Variants in TFDP2 observed in about 807,000 individuals in gnomAD.
TFDP2 encodes transcription factor Dp-2, also known as transcription factor Dp-2 (E2F dimerization partner 2).
A neutral mutation model predicts 59.3 loss-of-function variants in TFDP2; 17 were observed. The observed-to-expected ratio is 0.29, with a 90% CI of 0.20 to 0.43. The LOEUF is 0.43. Among genes scored for constraint, TFDP2 ranks in the 20% least tolerant of loss-of-function variants. The pLI, the probability that TFDP2 is intolerant of heterozygous loss-of-function variation, is 1.00. For synonymous variants in TFDP2, 180 were observed against 194.7 expected, an observed-to-expected ratio of 0.92 and a Z score of 0.63; for missense variants, 391 against 528.8, an observed-to-expected ratio of 0.74 and a Z score of 2.56.
At chr3:142,096,337 A>G (rs1476505882) in intron 2 of TFDP2, among the ~76,000 whole-genome samples, 1 of 152,198 alleles carries the variant, frequency 6.6e-6, no homozygotes, top group Non-Finnish European at 1.5e-5. Flanking sequence ...AGAGTAGAAA[A>G]AGTTGGCTAG....
chr3:141,952,893 C>G lies in TFDP2; in HGVS notation c.1157+18G>C. 1 of 1,611,900 alleles carries G rather than the reference C, an allele frequency of 6.2e-7. No individual in the cohort carries two copies. Among genetic ancestry groups the G allele is most frequent in the Non-Finnish European group, 8.5e-7 (1 of 1,178,108 alleles). On this transcript the variant is annotated intron_variant, in intron 12 of 12. Coordinates refer to ENST00000489671, the MANE Select transcript of TFDP2 (RefSeq NM_001178139.2). The stretch of plus-strand genomic sequence containing the variant: ...GGGCTCTGGGGTTTGCCTTTCTAAC[C>G]CTGAAAAAAATACGTACCTTGACTG...
chr3:142,063,278 A>G (rs1351106980), intron 3 of TFDP2, among the ~76,000 whole-genome samples: 1 of 152,198 alleles, frequency 6.6e-6, no homozygotes, highest in Non-Finnish European at 1.5e-5. Context: ...TCACATAGTT[A>G]AGAACCTAAA....
intron 3 of TFDP2, among the ~76,000 whole-genome samples, chr3:142,066,024 T>C (rs2060064573): frequency 6.6e-6 from 1 of 152,154 alleles, no homozygotes; most frequent in Non-Finnish European, 1.5e-5. Context: ...CTAATACCAA[T>C]TCTCTACTCT....
At chr3:141,990,602 C>A (rs1483322670) in intron 6 of TFDP2, among the ~76,000 whole-genome samples, 1 of 152,100 alleles carries the variant, frequency 6.6e-6, no homozygotes, top group Non-Finnish European at 1.5e-5. Context: ...ATGCTTCCTC[C>A]TGGTTTCTTT....
At chr3:142,028,547 C>G in intron 3 of TFDP2, 1 of 984,982 alleles carries the variant, frequency 1.0e-6, no homozygotes, top group Non-Finnish European at 1.2e-6. Flanking sequence ...AAAAACTCAC[C>G]CAGCAGTGAG....
chr3:142,001,350 G>C lies in TFDP2; in HGVS notation c.186+4091C>G, dbSNP rs553915688. 4.6e-5 allele frequency among the ~76,000 whole-genome samples: 7 copies of C among 152,252 alleles called. No individual in the cohort carries two copies. The East Asian group carries it at 1.4e-3, about 29-fold the overall frequency. ...GCTAAGGAGCACTGTGCCAAAATTC[G>C]GGGAGCAGACTTGACACAGTGCCAG... On this transcript the variant is annotated intron_variant, in intron 4 of 12. Transcript: ENST00000489671.
intron 3 of TFDP2, among the ~76,000 whole-genome samples, chr3:142,058,017 C>G (rs2059797738): frequency 6.6e-6 from 1 of 152,164 alleles, no homozygotes; most frequent in Admixed American, 6.5e-5. Context: ...ATAAAATAGT[C>G]ACAATTATCT....
chr3:142,109,333 A>ATTT (rs11378143), intron 1 of TFDP2, among the ~76,000 whole-genome samples: 1 of 145,014 alleles, frequency 6.9e-6, no homozygotes, highest in Non-Finnish European at 1.5e-5. Flanking sequence ...AGTAAGCTAC[A>ATTT]TTTTTTTTTT....
At chr3:142,131,049 G>A (rs1412708341) in intron 1 of TFDP2, among the ~76,000 whole-genome samples, 4 of 122,004 alleles carry the variant, frequency 3.3e-5, no homozygotes, top group East Asian at 2.1e-4. Context: ...GCGAAACTAC[G>A]TCTCAAAAAA....
chr3:142,100,866 T>C (rs1188014446), intron 2 of TFDP2, among the ~76,000 whole-genome samples: 2 of 152,142 alleles, frequency 1.3e-5, no homozygotes, highest in Admixed American at 6.5e-5. Context: ...GAAAACCAAA[T>C]ACTGCTTCAA....
intron 3 of TFDP2, among the ~76,000 whole-genome samples, chr3:142,011,529 A>G (rs1382128065): frequency 7.2e-6 from 1 of 139,254 alleles, no homozygotes; most frequent in African/African-American, 2.6e-5. Flanking sequence ...AGCATGGCAC[A>G]TGTATACATA....
chr3:142,139,123 C>G lies in TFDP2; in HGVS notation c.-93+10060G>C, dbSNP rs371600749. Among the ~76,000 whole-genome samples the G allele has an allele frequency of 2.4e-4, 37 of 152,272 alleles. 1 individual carries two copies. Among genetic ancestry groups the G allele is most frequent in the African/African-American group, 8.2e-4 (34 of 41,554 alleles). On this transcript the variant is annotated intron_variant, in intron 1 of 12. Transcript: ENST00000489671. ...TGATCCCTGTACCACTGCGTAATGGCCTTCTTTGTCTCTTTTGATCTTTGT... is the reference window on the plus strand; with the variant it reads ...TGATCCCTGTACCACTGCGTAATGGGCTTCTTTGTCTCTTTTGATCTTTGT...
chr3:141,988,730 G>A (rs1221318188), intron 6 of TFDP2, among the ~76,000 whole-genome samples: 5 of 138,084 alleles, frequency 3.6e-5, no homozygotes, highest in African/African-American at 1.1e-4. Flanking sequence ...GTGCAGTGGT[G>A]CAATCTCAGC....
intron 1 of TFDP2, among the ~76,000 whole-genome samples, chr3:142,148,374 T>C (rs2063248620): frequency 1.3e-5 from 2 of 152,110 alleles, no homozygotes; most frequent in Admixed American, 6.5e-5. Flanking sequence ...GGAAATAATA[T>C]AGGGTCTTTT....
intron 3 of TFDP2, among the ~76,000 whole-genome samples, chr3:142,084,751 T>C (rs2060753429): frequency 1.3e-5 from 2 of 152,114 alleles, no homozygotes; most frequent in Non-Finnish European, 2.9e-5. Flanking sequence ...TTCTTACTTA[T>C]TTGTGGGTGC....
chr3:142,021,957 A>G (rs79861626), intron 3 of TFDP2, among the ~76,000 whole-genome samples: 1 of 152,316 alleles, frequency 6.6e-6, no homozygotes, highest in East Asian at 1.9e-4. Flanking sequence ...CTTTAGTTAA[A>G]ATATGTCCTT....
chr3:142,128,875 A>G (rs9837768), intron 1 of TFDP2, among the ~76,000 whole-genome samples: 66,350 of 151,182 alleles, frequency 0.44, 16,581 homozygotes, highest in East Asian at 0.71. Context: ...AAAAAGAGGA[A>G]AAAAGGGAAA....
intron 1 of TFDP2, among the ~76,000 whole-genome samples, chr3:142,148,898 A>G (rs2063277322): frequency 6.6e-6 from 1 of 152,230 alleles, no homozygotes. Flanking sequence ...GAGAACGAGA[A>G]AGTAGAAAGC....
Position 141,974,187 on chromosome 3 carries a change from T to A in TFDP2, c.524A>T (p.Tyr175Phe). ...TCTTCGCCTAATGTTCTTCTGATCATAAGCCTGCTAAAAAATATTTTCACT... is the reference window on the plus strand; with the variant it reads ...TCTTCGCCTAATGTTCTTCTGATCAAAAGCCTGCTAAAAAATATTTTCACT... The part of the protein sequence containing the change: ...SNNHLAADSA[Y>F]DQKNIRRRVY... Residue 175 changes from tyrosine to phenylalanine, a missense_variant, in exon 8 of 13, where the codon TAT becomes TTT. Coordinates refer to ENST00000489671, the MANE Select transcript of TFDP2 (RefSeq NM_001178139.2). 6.3e-7 allele frequency: 1 copy of A among 1,593,988 alleles called. No individual in the cohort carries two copies. Among genetic ancestry groups the A allele is most frequent in the South Asian group, 1.2e-5 (1 of 86,726 alleles).
Sources: gnomAD v4.1 joint callset for allele counts (sites outside exome capture counted in the v4.1 genomes callset) on GRCh38, gnomAD v4.1.1 for gene constraint, MANE v1.5 for transcripts, NCBI Gene and HGNC (gene_info 2026-07-23, HGNC 2026-07-21) for gene names.